The following DIAPH1 variants were observed in gnomAD, a reference collection of about 807,000 sequenced individuals.
DIAPH1 encodes the protein protein diaphanous homolog 1.
Under a neutral mutation model 140.7 loss-of-function variants are expected in DIAPH1, and 46 were observed. The ratio of observed to expected loss-of-function variants is 0.33; its 90% CI spans 0.26 to 0.42. DIAPH1 has a LOEUF of 0.42. Among genes scored for constraint, DIAPH1 ranks in the 10% least tolerant of loss-of-function variants. DIAPH1 has a pLI of 1.00. For synonymous variants in DIAPH1, 565 were observed against 551.6 expected (o/e 1.02, Z -0.34); for missense variants, 1,310 against 1,558.7 (o/e 0.84, Z 2.69).
chr5:141,534,976 T>C (rs1383841827), intron 18 of DIAPH1, among the ~76,000 whole-genome samples: 4 of 152,206 alleles, frequency 2.6e-5, no homozygotes, highest in African/African-American at 4.8e-5. Flanking sequence ...TGAGACAGCA[T>C]CTCACTGTGT....
intron 1 of DIAPH1, among the ~76,000 whole-genome samples, chr5:141,597,838 GA>G: frequency 6.6e-6 from 1 of 152,152 alleles, no homozygotes; most frequent in African/African-American, 2.4e-5. Context: ...GACTGTCAAG[GA>G]TACTCATTCC....
intron 18 of DIAPH1, among the ~76,000 whole-genome samples, chr5:141,546,762 A>G (rs1352001191): frequency 6.6e-6 from 1 of 152,226 alleles, no homozygotes; most frequent in Non-Finnish European, 1.5e-5. Flanking sequence ...CCTTAGAAAG[A>G]CTACACTCTA....
In DIAPH1 at chr5:141,598,016, A is replaced by G. The variant is rs75696386; in HGVS notation, c.118-9766T>C. Reference sequence around the variant, plus strand: ...GCCTGCCAGATGCTCAACTGTGGTGAACCCTGTTTCCCAGGCCTTACTTAT... The same window carrying G: ...GCCTGCCAGATGCTCAACTGTGGTGGACCCTGTTTCCCAGGCCTTACTTAT... On this transcript the variant is annotated intron_variant, in intron 1 of 27. Coordinates refer to ENST00000389054, the MANE Select transcript of DIAPH1 (RefSeq NM_005219.5). Among the ~76,000 whole-genome samples the G allele has an allele frequency of 3.9e-4, 59 of 152,306 alleles. No individual in the cohort carries two copies. The East Asian group carries it at 0.011, about 28-fold the overall frequency.
At chr5:141,574,795 T>C (rs2099895719) in intron 15 of DIAPH1, among the ~76,000 whole-genome samples, 172 bp downstream of exon 15, 1 of 152,194 alleles carries the variant, frequency 6.6e-6, no homozygotes, top group African/African-American at 2.4e-5. Flanking sequence ...TATGTATTAC[T>C]TACCCCCAAC....
intron 1 of DIAPH1, among the ~76,000 whole-genome samples, chr5:141,616,476 A>G (rs533512592): frequency 1.3e-5 from 2 of 152,336 alleles, no homozygotes; most frequent in African/African-American, 4.8e-5. Flanking sequence ...GTTTTAGCCT[A>G]TAGTTCAAGA....
At chr5:141,522,578 CAAA>C (rs5871776) in intron 27 of DIAPH1, among the ~76,000 whole-genome samples, 934 of 88,924 alleles carry the variant, frequency 0.011, 11 homozygotes, top group African/African-American at 0.037. Context: ...CCGACGGGGT[CAAA>C]AAAAAAAAAA....
At chr5:141,583,318 C>G in intron 5 of DIAPH1, 26 bp from the exon 6 acceptor site, 2 of 1,609,650 alleles carry the variant, frequency 1.2e-6, no homozygotes, top group Non-Finnish European at 1.7e-6. Flanking sequence ...AGAGGCAATG[C>G]AATATCAAAC....
intron 18 of DIAPH1, among the ~76,000 whole-genome samples, chr5:141,543,746 T>C (rs978144436): frequency 6.6e-6 from 1 of 152,194 alleles, no homozygotes; most frequent in African/African-American, 2.4e-5. Flanking sequence ...TCACAATGGC[T>C]TTCAGGACAT....
At chr5:141,530,659 G>A (rs1398473155) in intron 19 of DIAPH1, among the ~76,000 whole-genome samples, 2 of 152,074 alleles carry the variant, frequency 1.3e-5, no homozygotes, top group Non-Finnish European at 2.9e-5. Flanking sequence ...GTTCCAGGAA[G>A]ACCCTGCTCC....
At chr5:141,536,572 G>A (rs1433545267) in intron 18 of DIAPH1, among the ~76,000 whole-genome samples, 1 of 151,992 alleles carries the variant, frequency 6.6e-6, no homozygotes, top group Non-Finnish European at 1.5e-5. Flanking sequence ...GAAAAACAGG[G>A]AAAAGGATGG....
chr5:141,584,415 AT>A (rs1562331353), intron 3 of DIAPH1, among the ~76,000 whole-genome samples, 190 bp from the exon 4 acceptor site: 1 of 152,180 alleles, frequency 6.6e-6, no homozygotes, highest in Admixed American at 6.6e-5. Flanking sequence ...TATAGTTAAC[AT>A]TTTAGTATAA....
At chr5:141,608,720 A>G (rs1466607747) in intron 1 of DIAPH1, among the ~76,000 whole-genome samples, 1 of 152,226 alleles carries the variant, frequency 6.6e-6, no homozygotes, top group Non-Finnish European at 1.5e-5. Context: ...ACTGGCAAAT[A>G]ACTGCCAGGT....
Position 141,572,040 on chromosome 5 carries a change from G to A in DIAPH1, c.2359C>T (p.Leu787Phe), listed in dbSNP as rs2099895261. Reference protein sequence around the residue: ...VQLRRPNWSKLVAEDLSQDCF... With the variant: ...VQLRRPNWSKFVAEDLSQDCF... ...TCCTGGGAGAGGTCCTCAGCCACAA[G>A]CTGTGGATAAAGGCAGGGTGTTAAG... is the stretch of plus-strand genomic sequence containing the variant. The change falls in exon 17 of 28, where the codon CTT becomes TTT. Residue 787 changes from leucine (L) to phenylalanine (F), a missense_variant and splice_region_variant. By Grantham distance (22) the Leu-to-Phe change is conservative. Around this residue, in one of 3 missense-constraint regions of DIAPH1, gnomAD observed 589 missense variants for 549.3 expected, o/e 1.07. Coordinates refer to ENST00000389054, the MANE Select transcript of DIAPH1 (RefSeq NM_005219.5). The A allele has an allele frequency of 2.5e-6, 4 of 1,607,854 alleles. No individual in the cohort carries two copies. The highest frequency in any genetic ancestry group is 2.7e-5 in the African/African-American group (2 of 74,750).
intron 18 of DIAPH1, among the ~76,000 whole-genome samples, chr5:141,559,610 T>G (rs1284656303): frequency 6.6e-6 from 1 of 152,140 alleles, no homozygotes; most frequent in Non-Finnish European, 1.5e-5. Context: ...AAGCATTTGG[T>G]CTTTCAGATA....
At chr5:141,579,262 A>T (rs1355620557) in intron 8 of DIAPH1, 66 bp from the exon 9 acceptor site, 8 of 1,167,316 alleles carry the variant, frequency 6.9e-6, no homozygotes, top group Non-Finnish European at 1.0e-5. Flanking sequence ...TATAATGAGT[A>T]AATTACACAG....
chr5:141,609,179 A>AC (rs1324674331), intron 1 of DIAPH1, among the ~76,000 whole-genome samples: 7 of 151,940 alleles, frequency 4.6e-5, no homozygotes, highest in Admixed American at 2.0e-4. Context: ...AAAAAAAAAA[A>AC]AAAAAAAACA....
chr5:141,535,466 A>G (rs1211230166), intron 18 of DIAPH1, among the ~76,000 whole-genome samples: 2 of 152,220 alleles, frequency 1.3e-5, no homozygotes, highest in African/African-American at 4.8e-5. Flanking sequence ...TATCTCATCC[A>G]ACAATTAATT....
intron 1 of DIAPH1, among the ~76,000 whole-genome samples, chr5:141,593,659 A>T (rs1405446725): frequency 6.6e-6 from 1 of 152,230 alleles, no homozygotes; most frequent in Non-Finnish European, 1.5e-5. Context: ...TTTATTTAAC[A>T]AAATTTAAAT....
At chr5:141,611,964 G>A (rs933930828) in intron 1 of DIAPH1, among the ~76,000 whole-genome samples, 1 of 152,188 alleles carries the variant, frequency 6.6e-6, no homozygotes, top group Non-Finnish European at 1.5e-5. Context: ...CTACTCAGGT[G>A]GCTGAGGCAG....
Sources: gnomAD v4.1 joint callset for allele counts (sites outside exome capture counted in the v4.1 genomes callset) on GRCh38, gnomAD v4.1.1 for gene constraint, gnomAD v4.1.1 regional missense constraint, MANE v1.5 for transcripts, NCBI Gene and HGNC (gene_info 2026-07-23, HGNC 2026-07-21) for gene names.